Variants in UBA2 observed in about 807,000 individuals in gnomAD.
UBA2 encodes the protein SUMO-activating enzyme subunit 2.
Under a neutral mutation model 77.2 loss-of-function variants are expected in UBA2, and 11 were observed. The ratio of observed to expected loss-of-function variants is 0.14; its 90% CI spans 0.09 to 0.24. UBA2 has a LOEUF of 0.24. Ranked by LOEUF, UBA2 falls within the 10% of genes least tolerant of loss-of-function variation. UBA2 has a pLI of 1.00. For synonymous variants in UBA2, 278 were observed against 276.7 expected (o/e 1.00, Z -0.05); for missense variants, 487 against 781.7 (o/e 0.62, Z 4.50).
At chr19:34,463,585 TTG>T (rs2075655660) in intron 14 of UBA2, among the ~76,000 whole-genome samples, 4 of 152,080 alleles carry the variant, frequency 2.6e-5, no homozygotes, top group Non-Finnish European at 5.9e-5. Flanking sequence ...GATTGATTGA[TTG>T]ATTGATTGAT....
At chr19:34,468,936 G>A in intron 16 of UBA2, 104 bp from the exon 17 acceptor site, 1 of 861,892 alleles carries the variant, frequency 1.2e-6, no homozygotes, top group Non-Finnish European at 1.7e-6. Flanking sequence ...TCTTAAGTCT[G>A]GTGTGTATTA....
intron 6 of UBA2, 81 bp from the exon 7 acceptor site, chr19:34,443,763 T>C: frequency 2.0e-6 from 2 of 1,005,624 alleles, no homozygotes; most frequent in Admixed American, 1.7e-5. Context: ...TTATCTCTGC[T>C]AAATATTTGG....
At chr19:34,448,663 A>G (rs2075458276) in intron 8 of UBA2, among the ~76,000 whole-genome samples, 1 of 152,150 alleles carries the variant, frequency 6.6e-6, no homozygotes. Flanking sequence ...GGAGAAGGTG[A>G]TAATAATCAA....
intron 1 of UBA2, among the ~76,000 whole-genome samples, chr19:34,429,861 A>T (rs939695958): frequency 6.6e-6 from 1 of 152,120 alleles, no homozygotes; most frequent in Non-Finnish European, 1.5e-5. Context: ...AGAACAGGGC[A>T]TAGTTAAATT....
chr19:34,456,183 C>T (rs573615094), intron 12 of UBA2, among the ~76,000 whole-genome samples: 3 of 135,854 alleles, frequency 2.2e-5, no homozygotes, highest in East Asian at 2.4e-4. Flanking sequence ...GATGTGATCT[C>T]GGCTCACTGC....
intron 6 of UBA2, among the ~76,000 whole-genome samples, chr19:34,443,019 A>G (rs938158465): frequency 1.1e-4 from 16 of 152,240 alleles, no homozygotes; most frequent in African/African-American, 3.6e-4. Context: ...TTTTTAGGAT[A>G]ACTTTATTAA....
chr19:34,437,986 C>T (rs1289532943), intron 5 of UBA2, among the ~76,000 whole-genome samples: 1 of 152,030 alleles, frequency 6.6e-6, no homozygotes, highest in African/African-American at 2.4e-5. Context: ...ACCTGGGAGG[C>T]GGAGATTGCA....
chr19:34,444,959 CATTTAT>C, intron 7 of UBA2, 35 bp from the exon 8 acceptor site: 2 of 1,592,778 alleles, frequency 1.3e-6, no homozygotes, highest in Non-Finnish European at 1.7e-6. Flanking sequence ...TTCAGTTCTA[CATTTAT>C]TACGGTTGAA....
chr19:34,446,573 G>A (rs2075432767), intron 8 of UBA2, among the ~76,000 whole-genome samples: 2 of 150,488 alleles, frequency 1.3e-5, no homozygotes, highest in East Asian at 1.9e-4. Flanking sequence ...TATTTCCTCA[G>A]TGGTAACAGA....
chr19:34,446,608 C>CTTTTTT, intron 8 of UBA2, among the ~76,000 whole-genome samples: 1 of 145,150 alleles, frequency 6.9e-6, no homozygotes, highest in Non-Finnish European at 1.5e-5. Flanking sequence ...TTTTTTTTTT[C>CTTTTTT]TTTCTTTTTT....
At chr19:34,466,219 A>T (rs570647319) in intron 15 of UBA2, among the ~76,000 whole-genome samples, 158 of 152,234 alleles carry the variant, frequency 1.0e-3, no homozygotes, top group African/African-American at 3.7e-3. Context: ...CTATAGTCCC[A>T]GCTGCTTGGG....
At chr19:34,444,905 C>A (rs2075411939) in intron 7 of UBA2, 95 bp from the exon 8 acceptor site, 6 of 1,333,208 alleles carry the variant, frequency 4.5e-6, no homozygotes, top group Admixed American at 2.4e-5. Context: ...TTGGGGATTT[C>A]CATGAGTGAC....
At chr19:34,458,133 G>A (rs1333788255) in intron 12 of UBA2, among the ~76,000 whole-genome samples, 1 of 152,134 alleles carries the variant, frequency 6.6e-6, no homozygotes, top group African/African-American at 2.4e-5. Flanking sequence ...TACAATGATG[G>A]CACCACAGAT....
chr19:34,458,624 C>A, intron 12 of UBA2, 145 bp from the exon 13 acceptor site: 6 of 397,074 alleles, frequency 1.5e-5, no homozygotes, highest in South Asian at 1.0e-4. Context: ...CTAAAAAGGT[C>A]ATGATTTTCC....
chr19:34,462,621 AAAT>A lies in UBA2; in HGVS notation c.1499-1404_1499-1402del, dbSNP rs1203447785. ...AGCGTTTTCCTTATAAATAATGAAA[AAAT>A]GTTAAAAAGCCAAAAAAAAAGTGGG... On this transcript the variant is annotated intron_variant, in intron 14 of 16. Transcript: ENST00000246548. Among the ~76,000 whole-genome samples the A allele has an allele frequency of 2.6e-5, 4 of 152,158 alleles. No individual in the cohort carries two copies. The East Asian group carries it at 5.8e-4, about 22-fold the overall frequency.
rs869118014 is a variant in UBA2, at chr19:34,456,100, C to CTTTTTTTTTTTTTTTT, written c.1245+1549_1245+1550insTTTTTTTTTTTTTTTT. On this transcript the variant is annotated intron_variant, in intron 12 of 16. Coordinates refer to ENST00000246548, the MANE Select transcript of UBA2 (RefSeq NM_005499.3). ...CCCGATGCGCTCTTTTTTTCCTTTT[C>CTTTTTTTTTTTTTTTT]TTTTTCTTTTTTTTTTTTTTTTTTG... is the stretch of plus-strand genomic sequence containing the variant. Among the ~76,000 whole-genome samples the CTTTTTTTTTTTTTTTT allele has an allele frequency of 4.2e-3, 232 of 55,786 alleles. 68 individuals are homozygous for CTTTTTTTTTTTTTTTT. The highest frequency in any genetic ancestry group is 0.037 in the East Asian group (65 of 1,778). The allele number at this position is 55,786 out of a possible 152,430, so 36.6% of individuals were successfully genotyped here.
At chr19:34,453,256 A>C (rs1014887370) in intron 10 of UBA2, among the ~76,000 whole-genome samples, 3 of 152,252 alleles carry the variant, frequency 2.0e-5, no homozygotes, top group Admixed American at 6.5e-5. Context: ...CTATGCTCTC[A>C]GTATTTTTTC....
chr19:34,438,572 G>C, intron 5 of UBA2, 73 bp from the exon 6 acceptor site: 2 of 1,541,574 alleles, frequency 1.3e-6, no homozygotes, highest in Non-Finnish European at 1.8e-6. Context: ...GATGAATGAA[G>C]TGTTTATATT....
chr19:34,458,558 C>CAAAAAAAAAAAAAA (rs60349858), intron 12 of UBA2, among the ~76,000 whole-genome samples: 1 of 60,616 alleles, frequency 1.6e-5, no homozygotes, highest in African/African-American at 7.8e-5. Flanking sequence ...GACTCCGTCT[C>CAAAAAAAAAAAAAA]AAAAAAAAAA....
Sources: allele counts gnomAD v4.1 joint callset (sites outside exome capture counted in the v4.1 genomes callset), GRCh38; gene constraint gnomAD v4.1.1; transcripts MANE v1.5; gene names NCBI Gene and HGNC (gene_info 2026-07-23, HGNC 2026-07-21).